RERE: variants seen among roughly 807,000 people sequenced by gnomAD.
RERE encodes arginine-glutamic acid dipeptide repeats protein.
A neutral mutation model predicts 146.1 loss-of-function variants in RERE; 40 were observed. The ratio of observed to expected loss-of-function variants is 0.27; its 90% confidence interval spans 0.21 to 0.36. The LOEUF (loss-of-function observed/expected upper bound fraction) is 0.36. Ranked by LOEUF, RERE falls within the 10% of genes least tolerant of loss-of-function variation. The probability of loss-of-function intolerance (pLI) is 1.00; values close to 1 mark genes in which losing one functional copy is unlikely to be tolerated. For synonymous variants in RERE, 1,003 were observed against 866.0 expected (o/e 1.16, Z -2.78); for missense variants, 1,933 against 2,138.7 (o/e 0.90, Z 1.90).
intron 1 of RERE, among the ~76,000 whole-genome samples, chr1:8,804,346 T>C (rs898647187): frequency 6.6e-6 from 1 of 152,320 alleles, no homozygotes; most frequent in African/African-American, 2.4e-5. Context: ...TACTGGATAC[T>C]GAACTGGAGG....
chr1:8,667,817 G>A lies in RERE; in HGVS notation c.-144-11376C>T, dbSNP rs78562712. 8.0e-3 allele frequency among the ~76,000 whole-genome samples: 1,216 copies of A among 152,248 alleles called. 13 individuals are homozygous for A. Among genetic ancestry groups the A allele is most frequent in the African/African-American group, 0.028 (1,163 of 41,518 alleles). ...CCAACAGTTGTGTCTCTTCTACTCA[G>A]CAGGTTAAGGGAAATACACTGCTCA... On this transcript the variant is annotated intron_variant, in intron 1 of 22. Coordinates refer to ENST00000400908, the MANE Select transcript of RERE (RefSeq NM_001042681.2).
intron 12 of RERE, among the ~76,000 whole-genome samples, chr1:8,379,144 G>C (rs1266495546): frequency 6.6e-6 from 1 of 152,100 alleles, no homozygotes; most frequent in Non-Finnish European, 1.5e-5. Flanking sequence ...GAAGGGACAC[G>C]GGGGAAGGAA....
intron 2 of RERE, among the ~76,000 whole-genome samples, chr1:8,633,477 A>AC (rs755765628): frequency 0.034 from 5,109 of 149,300 alleles, 96 homozygotes; most frequent in Non-Finnish European, 0.041. Context: ...ACACACACAC[A>AC]AAAATGTACT....
chr1:8,618,494 T>C (rs1646881701), intron 3 of RERE, among the ~76,000 whole-genome samples: 1 of 152,172 alleles, frequency 6.6e-6, no homozygotes, highest in Admixed American at 6.5e-5. Flanking sequence ...GTTCAAATTA[T>C]GTGCACCTTC....
chr1:8,517,694 G>A (rs1645438394), intron 7 of RERE, among the ~76,000 whole-genome samples: 1 of 152,106 alleles, frequency 6.6e-6, no homozygotes, highest in Non-Finnish European at 1.5e-5. Context: ...GAAAGTCATT[G>A]TATATGAAAT....
chr1:8,364,815 C>T lies in RERE; in HGVS notation c.1471G>A (p.Asp491Asn). The T allele has an allele frequency of 6.2e-7, 1 of 1,605,986 alleles. No homozygotes were observed. Among genetic ancestry groups the T allele is most frequent in the South Asian group, 1.1e-5 (1 of 90,990 alleles). ...TCACTGTCCTCACTGTCGAAGTCAT[C>T]TTCACTGGCTGAACTTAGGTCCACT... ...EFLDLSSASE[D>N]DFDSEDSEQE... is the part of the protein sequence containing the mutation. The change falls in exon 14 of 23, where the codon GAT becomes AAT. Residue 491 changes from aspartate (D) to asparagine (N), a missense_variant. Asp to Asn is a conservative substitution (Grantham distance 23, BLOSUM62 1). This residue lies in a region of RERE where 260 missense variants were observed against 378.4 expected (regional missense o/e 0.69). Transcript: ENST00000400908. This position sits in a 1 kb window ranked among gnomAD's most constrained non-coding sequence, Gnocchi z 5.1.
At chr1:8,449,422 C>T (rs1354295066) in intron 11 of RERE, among the ~76,000 whole-genome samples, 3 of 152,316 alleles carry the variant, frequency 2.0e-5, no homozygotes, top group Admixed American at 6.5e-5. Flanking sequence ...GGAGTATTCA[C>T]CCACAGCTGA....
In RERE at chr1:8,556,503, C is replaced by T. The variant is rs147116390; in HGVS notation, c.697G>A (p.Val233Ile). Residue 233 changes from valine (V) to isoleucine (I), a missense_variant, in exon 6 of 23, where the codon GTT (valine) becomes ATT (isoleucine). Around this residue, in one of 11 missense-constraint regions of RERE, gnomAD observed 37 missense variants for 46.6 expected, o/e 0.79. Transcript: ENST00000400908. ...AGGGCAGCAGCATGGTAAGTGTCAA[C>T]GTAATCAGAAATGAAGAGCTCTCGG... is the stretch of plus-strand genomic sequence containing the variant. ...KNRELFISDY[V>I]DTYHAAALRG... is the part of the protein sequence containing the mutation. The T allele has an allele frequency of 5.5e-4, 882 of 1,609,232 alleles. No individual in the cohort carries two copies. The highest frequency in any genetic ancestry group is 6.8e-4 in the Non-Finnish European group (800 of 1,175,752).
chr1:8,660,918 T>G (rs1374152513), intron 1 of RERE, among the ~76,000 whole-genome samples: 1 of 152,228 alleles, frequency 6.6e-6, no homozygotes, highest in African/African-American at 2.4e-5. Flanking sequence ...GTCAAGTGAA[T>G]GCCTATTATG....
Position 8,778,050 on chromosome 1 carries a change from A to G in RERE, c.-145+39110T>C, listed in dbSNP as rs187743038. Among the ~76,000 whole-genome samples the G allele has an allele frequency of 5.7e-4, 87 of 152,304 alleles. 2 individuals carry two copies. The highest frequency in any genetic ancestry group is 2.7e-3 in the Admixed American group (41 of 15,288). Reference sequence around the variant, plus strand: ...CCTGAAGAATGGGTTATTAGAAGTAATAAGAATACAGCAGCTCAATCATTC... The same window carrying G: ...CCTGAAGAATGGGTTATTAGAAGTAGTAAGAATACAGCAGCTCAATCATTC... On this transcript the variant is annotated intron_variant, in intron 1 of 22. Transcript: ENST00000400908.
At chr1:8,422,697 T>C (rs756699894) in intron 12 of RERE, 30 bp downstream of exon 12, 1 of 1,528,002 alleles carries the variant, frequency 6.5e-7, no homozygotes, top group South Asian at 1.1e-5. Context: ...GAGGAAAAAA[T>C]CAAGTTACAT....
intron 11 of RERE, among the ~76,000 whole-genome samples, chr1:8,449,820 T>C (rs1294027477): frequency 6.6e-6 from 1 of 152,096 alleles, no homozygotes; most frequent in Admixed American, 6.5e-5. Context: ...GCTAGAAAAA[T>C]ATAGATCACT....
At chr1:8,473,751 A>G (rs1353029529) in intron 10 of RERE, among the ~76,000 whole-genome samples, 1 of 152,262 alleles carries the variant, frequency 6.6e-6, no homozygotes, top group African/African-American at 2.4e-5. Context: ...AAATGGGCCT[A>G]ACACCACCAG....
At chr1:8,477,795 G>C (rs988464843) in intron 10 of RERE, among the ~76,000 whole-genome samples, 1 of 152,184 alleles carries the variant, frequency 6.6e-6, no homozygotes, top group Non-Finnish European at 1.5e-5. Context: ...TTTGTGATGA[G>C]TGATTCTAAG....
intron 4 of RERE, among the ~76,000 whole-genome samples, chr1:8,567,085 G>A (rs113015340): frequency 5.3e-5 from 8 of 152,164 alleles, no homozygotes; most frequent in East Asian, 1.9e-4. Context: ...CACCGCACCC[G>A]GCCAGAACTA....
chr1:8,704,099 G>T (rs928806460), intron 1 of RERE, among the ~76,000 whole-genome samples: 6 of 152,130 alleles, frequency 3.9e-5, no homozygotes, highest in Non-Finnish European at 7.3e-5. Context: ...CCAGCTACCA[G>T]ATTCCAAACT....
chr1:8,580,828 T>C, intron 4 of RERE, among the ~76,000 whole-genome samples: 1 of 151,998 alleles, frequency 6.6e-6, no homozygotes, highest in East Asian at 1.9e-4. Context: ...TCCTCCCACT[T>C]GAGTTGTGTG....
chr1:8,680,176 A>G (rs1157297034), intron 1 of RERE, among the ~76,000 whole-genome samples: 1 of 152,206 alleles, frequency 6.6e-6, no homozygotes, highest in Non-Finnish European at 1.5e-5. Context: ...AGAAAGCCAG[A>G]AAAACCTGTT....
intron 11 of RERE, among the ~76,000 whole-genome samples, chr1:8,430,666 G>A (rs1271717571): frequency 3.3e-5 from 5 of 152,192 alleles, no homozygotes; most frequent in Non-Finnish European, 7.3e-5. Context: ...CCAGAGAACT[G>A]ACTGAAATAG....
Sources: gnomAD v4.1 joint callset for allele counts (sites outside exome capture counted in the v4.1 genomes callset) on GRCh38, gnomAD v4.1.1 for gene constraint, gnomAD v4.1.1 regional missense constraint, Gnocchi (gnomAD v3.1) non-coding constraint, MANE v1.5 for transcripts, NCBI Gene and HGNC (gene_info 2026-07-23, HGNC 2026-07-21) for gene names.